Variants in MGRN1 observed in about 807,000 individuals in gnomAD.
The protein encoded by MGRN1 is mahogunin ring finger 1.
A neutral mutation model predicts 69.2 loss-of-function variants in MGRN1; 29 were observed. That is an observed-to-expected ratio of 0.42 (90% CI 0.31 to 0.57). MGRN1 has a LOEUF of 0.57. Among genes scored for constraint, MGRN1 ranks in the 20% least tolerant of loss-of-function variants. The pLI is 0.15. For missense variants in MGRN1, 998 were observed against 796.2 expected (o/e 1.25, Z -3.05); for synonymous variants, 470 against 344.2 (o/e 1.37, Z -4.04).
At chr16:4,668,204 G>A (rs535899993) in intron 7 of MGRN1, 61 bp from the exon 8 acceptor site, 26 of 1,545,248 alleles carry the variant, frequency 1.7e-5, no homozygotes, top group Admixed American at 1.2e-4. Context: ...AGGCGGCCAC[G>A]CAGGGGTGCT....
Position 4,668,284 on chromosome 16 carries a change from CTG to C in MGRN1, c.701_702del (p.Val234GlufsTer23). ...CTGCAGCACATGGACGGCAGCTTCT[CTG>C]TGAAGCCTTTAAAGCAGAAGCAAAT... On this transcript the variant is annotated frameshift_variant, in exon 8 of 17. Transcript: ENST00000262370. LOFTEE classifies it high-confidence loss of function. 6.2e-7 allele frequency: 1 copy of C among 1,614,142 alleles called. No individual in the cohort carries two copies. Among genetic ancestry groups the C allele is most frequent in the Non-Finnish European group, 8.5e-7 (1 of 1,180,010 alleles).
chr16:4,634,800 C>G (rs772953144), intron 1 of MGRN1: 3 of 152,302 alleles, frequency 2.0e-5, no homozygotes, highest in Non-Finnish European at 4.4e-5. Context: ...ACCGTTTGCT[C>G]AGTCCTTTCA....
chr16:4,628,953 C>T (rs1897844298), intron 1 of MGRN1, among the ~76,000 whole-genome samples: 1 of 152,154 alleles, frequency 6.6e-6, no homozygotes, highest in Non-Finnish European at 1.5e-5. Flanking sequence ...TCTCCTGCCT[C>T]AGCCTCCCAA....
At chr16:4,656,474 G>C (rs533583703) in intron 4 of MGRN1, among the ~76,000 whole-genome samples, 2 of 152,368 alleles carry the variant, frequency 1.3e-5, no homozygotes. Context: ...TCCGCCTTCC[G>C]GGAGTGATCT....
At chr16:4,647,474 T>C (rs1325215364) in intron 1 of MGRN1, among the ~76,000 whole-genome samples, 1 of 152,232 alleles carries the variant, frequency 6.6e-6, no homozygotes, top group Non-Finnish European at 1.5e-5. Context: ...TTCTTTCTTT[T>C]GATTTAAAAC....
intron 13 of MGRN1, 56 bp downstream of exon 13, chr16:4,681,832 G>A: frequency 6.6e-6 from 10 of 1,521,324 alleles, no homozygotes; most frequent in South Asian, 4.8e-5. Context: ...CGCGTGCGGA[G>A]CGGGTGTCTT....
intron 1 of MGRN1, 48 bp from the exon 2 acceptor site, chr16:4,650,317 C>G: frequency 2.5e-6 from 3 of 1,219,410 alleles, no homozygotes; most frequent in Non-Finnish European, 3.3e-6. Flanking sequence ...GACTCTGTCT[C>G]AAAAAAAAAA....
chr16:4,668,822 T>A (rs538696493), intron 8 of MGRN1, among the ~76,000 whole-genome samples: 2 of 150,252 alleles, frequency 1.3e-5, no homozygotes, highest in Admixed American at 6.6e-5. Flanking sequence ...AGACACACAC[T>A]CATACACATA....
chr16:4,636,697 A>G (rs1264442133), intron 1 of MGRN1, among the ~76,000 whole-genome samples: 3 of 152,042 alleles, frequency 2.0e-5, no homozygotes, highest in Non-Finnish European at 4.4e-5. Context: ...TTTTTTTTCA[A>G]TTCCACCTTG....
In MGRN1 at chr16:4,662,163, G is replaced by A. The variant is rs547604262; in HGVS notation, c.562-2546G>A. 6.6e-5 allele frequency among the ~76,000 whole-genome samples: 10 copies of A among 152,238 alleles called. No homozygotes were observed. In the South Asian group the frequency reaches 1.9e-3, roughly 28 times the overall value. ...TTTCTTCTCGTCTGTATTTTTGGTA[G>A]GAAATTCGCTGTGTTGACAAATGTT... On this transcript the variant is annotated intron_variant, in intron 5 of 16. Coordinates refer to ENST00000262370, the MANE Select transcript of MGRN1 (RefSeq NM_015246.4).
At chr16:4,672,085 T>C (rs2078950043) in intron 9 of MGRN1, among the ~76,000 whole-genome samples, 1 of 152,126 alleles carries the variant, frequency 6.6e-6, no homozygotes. Flanking sequence ...TTTTGTATTT[T>C]AGTAGCGACG....
intron 9 of MGRN1, among the ~76,000 whole-genome samples, chr16:4,672,733 C>T (rs981400259): frequency 2.0e-5 from 3 of 152,224 alleles, no homozygotes; most frequent in Non-Finnish European, 4.4e-5. Flanking sequence ...AGTTTGTGGA[C>T]ACCTGTTTTA....
At chr16:4,683,046 C>T (rs2079224796) in intron 14 of MGRN1, 100 bp downstream of exon 14, 5 of 1,469,582 alleles carry the variant, frequency 3.4e-6, no homozygotes, top group Admixed American at 2.3e-5. Context: ...CGCCTGGGCG[C>T]CCCCGTGCTT....
intron 4 of MGRN1, among the ~76,000 whole-genome samples, chr16:4,653,919 A>C (rs2078466137): frequency 6.6e-6 from 1 of 151,924 alleles, no homozygotes; most frequent in East Asian, 1.9e-4. Context: ...TGCCTGGCTA[A>C]TTTTGTATTT....
chr16:4,688,372 C>T, intron 16 of MGRN1: 1 of 1,000,022 alleles, frequency 1.0e-6, no homozygotes, highest in Non-Finnish European at 1.2e-6. Context: ...CTTGTTCTCA[C>T]CCAGGGCCGC....
At chr16:4,625,632 T>TC (rs1897638276) in intron 1 of MGRN1, among the ~76,000 whole-genome samples, 1 of 152,196 alleles carries the variant, frequency 6.6e-6, no homozygotes, top group Admixed American at 6.5e-5. Context: ...CTCGGGCCTC[T>TC]GTGTTATGGC....
At chr16:4,669,388 C>G (rs1487462969) in intron 8 of MGRN1, 1 of 148,394 alleles carries the variant, frequency 6.7e-6, no homozygotes, top group African/African-American at 2.5e-5. Flanking sequence ...GAGCCGAGAT[C>G]ATGCCACTGC....
intron 10 of MGRN1, 151 bp from the exon 11 acceptor site, chr16:4,677,311 TA>T: frequency 2.1e-6 from 1 of 468,362 alleles, no homozygotes; most frequent in East Asian, 3.5e-5. Context: ...TCCTTAAAAC[TA>T]AAAGAAAAAA....
chr16:4,665,015 G>A lies in MGRN1; in HGVS notation c.629-87G>A, dbSNP rs541329520. On this transcript the variant is annotated intron_variant, in intron 6 of 16. Transcript: ENST00000262370. Reference sequence around the variant, plus strand: ...ACTCTGTGCAGGCTGAGCCCTCGGTGCCGCAGGCCTACCAGGGTCGGGGAG... The same window carrying A: ...ACTCTGTGCAGGCTGAGCCCTCGGTACCGCAGGCCTACCAGGGTCGGGGAG... 7.3e-6 allele frequency: 11 copies of A among 1,500,296 alleles called. No homozygotes were observed. In the South Asian group the frequency reaches 1.3e-4, roughly 17 times the overall value. 92.9% of individuals were successfully genotyped at this position (1,500,296 alleles called of 1,614,324 possible).
Sources: allele counts gnomAD v4.1 joint callset (sites outside exome capture counted in the v4.1 genomes callset), GRCh38; gene constraint gnomAD v4.1.1; transcripts MANE v1.5; gene names NCBI Gene and HGNC (gene_info 2026-07-23, HGNC 2026-07-21).